Variants in ZHX3 observed in about 807,000 individuals in gnomAD.
The protein encoded by ZHX3 is zinc fingers and homeoboxes 3, also known as zinc fingers and homeoboxes protein 3.
A neutral mutation model predicts 64.5 loss-of-function variants in ZHX3; 20 were observed. That is an observed-to-expected ratio of 0.31 (90% CI 0.22 to 0.45). ZHX3 has a LOEUF of 0.45. ZHX3 is among the 20% of genes least tolerant of loss of function. The probability of loss-of-function intolerance (pLI) is 1.00; values close to 1 mark genes in which losing one functional copy is unlikely to be tolerated. For missense variants in ZHX3, 1,041 were observed against 1,195.8 expected (o/e 0.87, Z 1.91); for synonymous variants, 423 against 461.6 (o/e 0.92, Z 1.07).
intron 1 of ZHX3, among the ~76,000 whole-genome samples, chr20:41,297,911 C>T (rs1438518700): frequency 6.6e-6 from 1 of 152,106 alleles, no homozygotes; most frequent in African/African-American, 2.4e-5. Flanking sequence ...CTTACAAGGT[C>T]TAGAGTGGCC....
intron 1 of ZHX3, among the ~76,000 whole-genome samples, chr20:41,310,866 T>A (rs1298474279): frequency 3.7e-5 from 5 of 136,756 alleles, no homozygotes; most frequent in African/African-American, 1.4e-4. Context: ...TGGAGTGCAG[T>A]GGCGTGATCT....
chr20:41,221,424 A>G (rs1395076812), intron 2 of ZHX3, among the ~76,000 whole-genome samples: 6 of 152,226 alleles, frequency 3.9e-5, no homozygotes, highest in African/African-American at 1.4e-4. Context: ...TTTGAGGAAC[A>G]AGTTTGCAGA....
chr20:41,215,194 T>C (rs151305373), intron 2 of ZHX3, among the ~76,000 whole-genome samples: 1,616 of 152,060 alleles, frequency 0.011, 14 homozygotes, highest in African/African-American at 0.028. Context: ...GAGGCAGAGA[T>C]TGCAGTGAGC....
intron 1 of ZHX3, among the ~76,000 whole-genome samples, chr20:41,284,634 A>G (rs1406537067): frequency 6.6e-6 from 1 of 152,166 alleles, no homozygotes; most frequent in Non-Finnish European, 1.5e-5. Flanking sequence ...CCCAGCCTTG[A>G]AGCTCTCTGC....
rs762249300 is a variant in ZHX3 at position 41,202,918 on chromosome 20, C to T, written c.1999G>A (p.Val667Met). The T allele has an allele frequency of 6.2e-7, 1 of 1,614,142 alleles. No homozygotes were observed. ...GCCTTCTTGGTCTCCTCAGCATTCA[C>T]TTTTTTCCGTCTCTCTGAAAACCAG... The part of the protein sequence containing the change: ...DSWFSERRKK[V>M]NAEETKKAEE... Residue 667 changes from valine (V) to methionine (M), a missense_variant, in exon 3 of 4, where the codon GTG becomes ATG. Val to Met is a conservative substitution (Grantham distance 21). This residue lies in a region of ZHX3 where 649 missense variants were observed against 739.8 expected (regional missense o/e 0.88). Transcript: ENST00000683867. The surrounding 1 kb of genome is among the most constrained non-coding windows in gnomAD (Gnocchi z 7.0).
intron 2 of ZHX3, among the ~76,000 whole-genome samples, chr20:41,252,504 T>C (rs933231260): frequency 2.0e-5 from 3 of 152,192 alleles, no homozygotes; most frequent in Non-Finnish European, 4.4e-5. Flanking sequence ...GCGATGCTGG[T>C]GGCCACAGCC....
Position 41,185,148 on chromosome 20 carries a change from G to A in ZHX3, c.*43C>T, listed in dbSNP as rs200068882. On this transcript the variant is annotated 3_prime_UTR_variant, in exon 4 of 4. Coordinates refer to ENST00000683867, the MANE Select transcript of ZHX3 (RefSeq NM_001384317.1). The surrounding 1 kb of genome is among the most constrained non-coding windows in gnomAD (Gnocchi z 5.0). ...GGTTTGGCTCTTCCACGTGGCAGGC[G>A]GTTTCCCAGACTGGCCAGTCCTTCA... The A allele has an allele frequency of 7.1e-4, 1,138 of 1,601,154 alleles. 3 individuals carry two copies. The highest frequency in any genetic ancestry group is 5.9e-4 in the Non-Finnish European group (690 of 1,173,180).
chr20:41,187,728 C>T (rs1403465033), intron 3 of ZHX3, among the ~76,000 whole-genome samples: 1 of 152,018 alleles, frequency 6.6e-6, no homozygotes, highest in African/African-American at 2.4e-5. Context: ...TTTGTTTTTT[C>T]TCAGTTTGTC....
At chr20:41,230,187 T>C (rs908455471) in intron 2 of ZHX3, among the ~76,000 whole-genome samples, 20 of 152,322 alleles carry the variant, frequency 1.3e-4, no homozygotes, top group African/African-American at 4.8e-4. Context: ...TTAAATATAT[T>C]CTTAGATTTT....
chr20:41,311,726 A>C (rs1373537622), intron 1 of ZHX3, among the ~76,000 whole-genome samples: 4 of 152,224 alleles, frequency 2.6e-5, no homozygotes, highest in Non-Finnish European at 5.9e-5. Flanking sequence ...AAATTCTCTA[A>C]GTTCAATTTT....
At chr20:41,268,846 G>A (rs879326430) in intron 2 of ZHX3, 144 bp downstream of exon 2, 6 of 152,146 alleles carry the variant, frequency 3.9e-5, no homozygotes, top group Non-Finnish European at 7.4e-5. Context: ...TAAAAAACAA[G>A]GGAGGAGAAA....
intron 1 of ZHX3, among the ~76,000 whole-genome samples, chr20:41,302,517 C>T (rs377446001): frequency 4.6e-5 from 7 of 152,180 alleles, no homozygotes; most frequent in East Asian, 1.9e-4. Context: ...CCTGGGGTTG[C>T]GCAGGTCCTG....
Position 41,258,999 on chromosome 20 carries a change from A to T in ZHX3, c.-151+9991T>A, listed in dbSNP as rs545577393. Among the ~76,000 whole-genome samples the T allele has an allele frequency of 3.3e-3, 427 of 131,124 alleles. 3 individuals carry two copies. Among genetic ancestry groups the T allele is most frequent in the South Asian group, 0.019 (77 of 4,152 alleles). 86.0% of individuals were successfully genotyped at this position (131,124 alleles called of 152,430 possible). A position where few individuals can be genotyped will look rare whatever the true frequency, so the allele number is the denominator to read the frequency against. ...GAATTTTACTTTTCTTCTGCTTATT[A>T]AAAAAAAACCACATTTTCATTGTTT... is the stretch of plus-strand genomic sequence containing the variant. On this transcript the variant is annotated intron_variant, in intron 2 of 3. Transcript: ENST00000683867.
At chr20:41,233,556 G>T (rs780523482) in intron 2 of ZHX3, among the ~76,000 whole-genome samples, 41 of 152,136 alleles carry the variant, frequency 2.7e-4, no homozygotes, top group Non-Finnish European at 5.7e-4. Flanking sequence ...TAAGCAACTG[G>T]TATGTCCTAG....
chr20:41,239,451 A>T (rs1000503982), intron 2 of ZHX3: 1 of 152,646 alleles, frequency 6.6e-6, no homozygotes, highest in Non-Finnish European at 1.5e-5. Context: ...CGTCTTGGGG[A>T]GGTCTATCAG....
At position 41,223,837 on chromosome 20, in the gene ZHX3, G is replaced by A. The variant is rs569387941; in HGVS notation, c.-150-18771C>T. Among the ~76,000 whole-genome samples the A allele has an allele frequency of 1.6e-4, 24 of 152,324 alleles. No homozygotes were observed. In the South Asian group the frequency reaches 2.7e-3, roughly 17 times the overall value. ...AGTGAGAAAGTGAGAAGCTAATGGC[G>A]TCAGAGTAGAGGTCCTTACAGAGTA... On this transcript the variant is annotated intron_variant, in intron 2 of 3. Transcript: ENST00000683867.
chr20:41,178,530 A>G lies in ZHX3; in HGVS notation c.*6661T>C, dbSNP rs891414374. On this transcript the variant is annotated 3_prime_UTR_variant, in exon 4 of 4. Coordinates refer to ENST00000683867, the MANE Select transcript of ZHX3 (RefSeq NM_001384317.1). ...AGGCCCATTTCAAATTGTACAAGCA[A>G]TTTGTCCGTGTTCCCCTCCCTTATC... is the stretch of plus-strand genomic sequence containing the variant. 3.3e-5 allele frequency: 5 copies of G among 152,676 alleles called. No homozygotes were observed. The highest frequency in any genetic ancestry group is 7.2e-5 in the African/African-American group (3 of 41,464). The allele number at this position is 152,676 out of a possible 1,614,324, so 9.5% of individuals were successfully genotyped here.
intron 1 of ZHX3, among the ~76,000 whole-genome samples, chr20:41,275,262 A>G (rs2146653834): frequency 6.6e-6 from 1 of 152,324 alleles, no homozygotes; most frequent in Non-Finnish European, 1.5e-5. Flanking sequence ...AAAGAAATCC[A>G]ATTCCATATA....
In ZHX3 at chr20:41,196,442, ATT is replaced by A. The variant is rs1229303728; in HGVS notation, c.2860+5613_2860+5614del. On this transcript the variant is annotated intron_variant, in intron 3 of 3. Coordinates refer to ENST00000683867, the MANE Select transcript of ZHX3 (RefSeq NM_001384317.1). ...AATATATATTTATATAAATATATAT[ATT>A]ATATATAATATATTTATATATAATA... is the stretch of plus-strand genomic sequence containing the variant. Among the ~76,000 whole-genome samples the A allele has an allele frequency of 2.3e-4, 13 of 57,004 alleles. 1 individual carries two copies. The highest frequency in any genetic ancestry group is 1.9e-3 in the East Asian group (2 of 1,070). The allele number at this position is 57,004 out of a possible 152,430, so 37.4% of individuals were successfully genotyped here.
Sources: gnomAD v4.1 joint callset for allele counts (sites outside exome capture counted in the v4.1 genomes callset) on GRCh38, gnomAD v4.1.1 for gene constraint, gnomAD v4.1.1 regional missense constraint, Gnocchi (gnomAD v3.1) non-coding constraint, MANE v1.5 for transcripts, NCBI Gene and HGNC (gene_info 2026-07-23, HGNC 2026-07-21) for gene names.